The following RDH16 variants were observed in gnomAD, a reference collection of about 807,000 sequenced individuals.
RDH16 encodes the protein retinol dehydrogenase 16, also known as human epidermal retinol dehydrogenase.
Under a neutral mutation model 22.3 loss-of-function variants are expected in RDH16, and 25 were observed. The observed-to-expected ratio is 1.12, with a 90% CI of 0.82 to 1.56. The LOEUF (loss-of-function observed/expected upper bound fraction) is 1.56, where lower values mean the gene tolerates loss of function less well. RDH16 is among the 40% of genes most tolerant of loss of function. The pLI is 0.00. For synonymous variants in RDH16, 154 were observed against 164.4 expected, an observed-to-expected ratio of 0.94 and a Z score of 0.48; for missense variants, 413 against 394.9, an observed-to-expected ratio of 1.05 and a Z score of -0.39.
chr12:56,953,011 G>C, intron 2 of RDH16, 21 bp from the exon 3 acceptor site: 1 of 1,586,594 alleles, frequency 6.3e-7, no homozygotes, highest in Non-Finnish European at 8.6e-7. Flanking sequence ...GAGAAGCAGA[G>C]GGGAAAAACT....
chr12:56,952,039 T>C lies in RDH16; in HGVS notation c.944A>G (p.Lys315Arg). The C allele has an allele frequency of 6.2e-7, 1 of 1,614,004 alleles. No individual in the cohort carries two copies. The highest frequency in any genetic ancestry group is 8.5e-7 in the Non-Finnish European group (1 of 1,179,940). ...CATCCAACCTTAGCTTCATAGAGCC[T>C]TGGCCGGGCTTGGAGAGACCCAGTA... ...IMYWVSPSPAKAL is the reference protein window; with the variant it reads ...IMYWVSPSPARAL Residue 315 changes from lysine to arginine, a missense_variant, in exon 4 of 4, where the codon AAG becomes AGG. Physicochemically the swap from Lys to Arg is conservative, Grantham distance 26. Transcript: ENST00000398138.
intron 1 of RDH16, among the ~76,000 whole-genome samples, chr12:56,956,891 G>A (rs955504396): frequency 6.6e-6 from 1 of 152,030 alleles, no homozygotes; most frequent in African/African-American, 2.4e-5. Context: ...TAGACAGGAG[G>A]GAGAGGATAG....
At chr12:56,953,968 G>C (rs1303822616) in intron 2 of RDH16, among the ~76,000 whole-genome samples, 1 of 152,214 alleles carries the variant, frequency 6.6e-6, no homozygotes, top group Admixed American at 6.5e-5. Context: ...TTGGACAAGG[G>C]CCTAAAGTGT....
At chr12:56,953,065 T>C (rs1392119730) in intron 2 of RDH16, 75 bp from the exon 3 acceptor site, 2 of 1,349,058 alleles carry the variant, frequency 1.5e-6, no homozygotes, top group African/African-American at 2.9e-5. Context: ...AAAGTAAAAC[T>C]ATGATATCAC....
At chr12:56,952,344 C>T (rs1219200342) in intron 3 of RDH16, 98 bp from the exon 4 acceptor site, 5 of 1,062,178 alleles carry the variant, frequency 4.7e-6, no homozygotes, top group African/African-American at 1.6e-5. Context: ...ACTCATGCCA[C>T]CCCACAACCC....
chr12:56,951,802 C>A lies in RDH16; in HGVS notation c.*227G>T. On this transcript the variant is annotated 3_prime_UTR_variant, in exon 4 of 4. Transcript: ENST00000398138. ...CACGGTGACAATGCACCCAGGAGCACTATTTGGTCCCTGTTTCTCAGCTGC... is the reference window on the plus strand; with the variant it reads ...CACGGTGACAATGCACCCAGGAGCAATATTTGGTCCCTGTTTCTCAGCTGC... The A allele has an allele frequency of 1.8e-6, 1 of 570,010 alleles. No individual in the cohort carries two copies. The allele number at this position is 570,010 out of a possible 1,614,324, so 35.3% of individuals were successfully genotyped here.
At chr12:56,952,324 G>T (rs1295157674) in intron 3 of RDH16, 78 bp from the exon 4 acceptor site, 3 of 1,386,726 alleles carry the variant, frequency 2.2e-6, no homozygotes, top group African/African-American at 2.9e-5. Context: ...AGAGTGGAAA[G>T]GGTCTAAGAA....
intron 1 of RDH16, 98 bp from the exon 2 acceptor site, chr12:56,955,262 C>G (rs896504310): frequency 1.4e-6 from 2 of 1,429,296 alleles, no homozygotes; most frequent in Non-Finnish European, 1.9e-6. Context: ...TGAGGGCAGA[C>G]TGACAGGTGT....
At chr12:56,953,097 A>C in intron 2 of RDH16, 107 bp from the exon 3 acceptor site, 2 of 996,132 alleles carry the variant, frequency 2.0e-6, no homozygotes, top group Non-Finnish European at 2.9e-6. Context: ...ACAATGGGTA[A>C]AATAGAAAGC....
In RDH16 at chr12:56,957,138, C is replaced by G. The variant is rs1055986930; in HGVS notation, c.313+12G>C. On this transcript the variant is annotated intron_variant, in intron 1 of 3. Coordinates refer to ENST00000398138, the MANE Select transcript of RDH16 (RefSeq NM_003708.5). Reference sequence around the variant, plus strand: ...GAAGACACAGACAGACTTGACAAACCTGGGTGGTTACCTTTGTCTCTCACG... The same window carrying G: ...GAAGACACAGACAGACTTGACAAACGTGGGTGGTTACCTTTGTCTCTCACG... 17 of 1,596,370 alleles carry G rather than the reference C, an allele frequency of 1.1e-5. No homozygotes were observed. The highest frequency in any genetic ancestry group is 1.5e-5 in the Non-Finnish European group (17 of 1,168,516).
In RDH16 at chr12:56,953,023, C is replaced by A. The variant is rs765599207; in HGVS notation, c.573-33G>T. 31 of 1,574,518 alleles carry A rather than the reference C, an allele frequency of 2.0e-5. No individual in the cohort carries two copies. In the East Asian group the frequency reaches 6.6e-4, roughly 33 times the overall value. On this transcript the variant is annotated intron_variant, in intron 2 of 3. Coordinates refer to ENST00000398138, the MANE Select transcript of RDH16 (RefSeq NM_003708.5). ...ACAGAGAAGCAGAGGGGAAAAACTT[C>A]GGGGGTCTTGGAAGGTAAAACACAA...
chr12:56,957,603 C>A lies in RDH16; in HGVS notation c.-141G>T. Reference sequence around the variant, plus strand: ...ATTTTGGCAGGGAATCCTCACTTTCCTCCCTGATGACTGCCTTTCTGCAAC... The same window carrying A: ...ATTTTGGCAGGGAATCCTCACTTTCATCCCTGATGACTGCCTTTCTGCAAC... On this transcript the variant is annotated 5_prime_UTR_variant, in exon 1 of 4. The change creates a new upstream start codon in the 5' untranslated region. Transcript: ENST00000398138. 1.1e-6 allele frequency: 1 copy of A among 874,922 alleles called. No homozygotes were observed. Among genetic ancestry groups the A allele is most frequent in the Non-Finnish European group, 1.8e-6 (1 of 571,348 alleles). 54.2% of individuals were successfully genotyped at this position (874,922 alleles called of 1,614,324 possible). A position where few individuals can be genotyped will look rare whatever the true frequency, so the allele number is the denominator to read the frequency against.
In RDH16 at chr12:56,954,909, A is replaced by AGG; in HGVS notation, c.567_568dup (p.Leu190ProfsTer11). Reference sequence around the variant, plus strand: ...GGGCCCCATCCCAGACCCATACCTGAGGGAGTCAGAGAAGGCTTCCACGCC... The same window carrying AGG: ...GGGCCCCATCCCAGACCCATACCTGAGGGGGAGTCAGAGAAGGCTTCCACGCC... On this transcript the variant is annotated frameshift_variant, in exon 2 of 4. Coordinates refer to ENST00000398138, the MANE Select transcript of RDH16 (RefSeq NM_003708.5). LOFTEE classifies it high-confidence loss of function. 1 of 1,614,096 alleles carries AGG rather than the reference A, an allele frequency of 6.2e-7. No individual in the cohort carries two copies. Among genetic ancestry groups the AGG allele is most frequent in the South Asian group, 1.1e-5 (1 of 91,058 alleles).
chr12:56,957,025 A>G lies in RDH16; in HGVS notation c.313+125T>C. On this transcript the variant is annotated intron_variant, in intron 1 of 3. Coordinates refer to ENST00000398138, the MANE Select transcript of RDH16 (RefSeq NM_003708.5). ...TCAGGCAGCCTGTTAAGTGAGAAAT[A>G]TTAGAAAGCTACTGTTACTTCAACC... The G allele has an allele frequency of 4.1e-6, 4 of 971,360 alleles. No individual in the cohort carries two copies. In the South Asian group the frequency reaches 6.4e-5, roughly 16 times the overall value. 60.2% of individuals were successfully genotyped at this position (971,360 alleles called of 1,614,324 possible).
At position 56,955,073 on chromosome 12, in the gene RDH16, G is replaced by A. The variant is rs377371719; in HGVS notation, c.405C>T (p.Asp135=). 1.4e-5 allele frequency: 23 copies of A among 1,613,980 alleles called. No homozygotes were observed. Among genetic ancestry groups the A allele is most frequent in the African/African-American group, 6.7e-5 (5 of 74,904 alleles). ...CATCAATCACCCCCAACAAGTTCAC[G>A]TCCAGTATGGTCACGAAGTCCTGCT... ...LTKQDFVTIL[D]VNLLGVIDVT... Residue 135 remains aspartate, a synonymous_variant, in exon 2 of 4, where the codon GAC becomes GAT. Transcript: ENST00000398138.
At chr12:56,954,226 T>A (rs1955906751) in intron 2 of RDH16, among the ~76,000 whole-genome samples, 1 of 152,228 alleles carries the variant, frequency 6.6e-6, no homozygotes, top group Non-Finnish European at 1.5e-5. Context: ...TGAGCTTGTG[T>A]GTGTCCGCGG....
intron 1 of RDH16, among the ~76,000 whole-genome samples, chr12:56,955,497 T>G (rs998425020): frequency 6.6e-6 from 1 of 152,192 alleles, no homozygotes; most frequent in Non-Finnish European, 1.5e-5. Flanking sequence ...GACCAATGTT[T>G]GGTTAGTTAA....
rs377629748 is a variant in RDH16, at chr12:56,952,992, T to C, written c.573-2A>G. ...ACCCCAAAGTAGGAGAGTTCCCTCC[T>C]GCAAGACAGAGAAGCAGAGGGGAAA... On this transcript the variant is annotated splice_acceptor_variant, in intron 2 of 3. Transcript: ENST00000398138. LOFTEE classifies it high-confidence loss of function. The C allele has an allele frequency of 1.2e-6, 2 of 1,604,766 alleles. No individual in the cohort carries two copies. The highest frequency in any genetic ancestry group is 1.7e-6 in the Non-Finnish European group (2 of 1,176,096).
At position 56,957,555 on chromosome 12, in the gene RDH16, G is replaced by C. The variant is rs1955942216; in HGVS notation, c.-93C>G. 3 of 1,404,892 alleles carry C rather than the reference G, an allele frequency of 2.1e-6. No individual in the cohort carries two copies. Among genetic ancestry groups the C allele is most frequent in the Non-Finnish European group, 2.9e-6 (3 of 1,032,496 alleles). 87.0% of individuals were successfully genotyped at this position (1,404,892 alleles called of 1,614,324 possible). On this transcript the variant is annotated 5_prime_UTR_variant, in exon 1 of 4. Coordinates refer to ENST00000398138, the MANE Select transcript of RDH16 (RefSeq NM_003708.5). ...AGGATTTAAGAACACAGAGGGCTGT[G>C]GTAGGCAGGGAAGCCCTCAGGCATT...
Sources: allele counts gnomAD v4.1 joint callset (sites outside exome capture counted in the v4.1 genomes callset), GRCh38; gene constraint gnomAD v4.1.1; transcripts MANE v1.5; gene names NCBI Gene and HGNC (gene_info 2026-07-23, HGNC 2026-07-21).